The following ZNF507 variants were observed in gnomAD, a reference collection of about 807,000 sequenced individuals.
ZNF507 encodes the protein zinc finger protein 507.
In ZNF507, 29 loss-of-function variants were observed where a neutral mutation model predicts 80.0. The ratio of observed to expected loss-of-function variants is 0.36; its 90% CI spans 0.27 to 0.49. The LOEUF (loss-of-function observed/expected upper bound fraction) is 0.49, where lower values mean the gene tolerates loss of function less well. Among genes scored for constraint, ZNF507 ranks in the 20% least tolerant of loss-of-function variants. The pLI, the probability that ZNF507 is intolerant of heterozygous loss-of-function variation, is 0.98. For synonymous variants in ZNF507, 462 were observed against 422.5 expected (o/e 1.09, Z -1.15); for missense variants, 1,081 against 1,152.2 (o/e 0.94, Z 0.90).
chr19:32,358,239 T>A (rs1226452431), intron 4 of ZNF507: 1 of 152,248 alleles, frequency 6.6e-6, no homozygotes, highest in Non-Finnish European at 1.5e-5. Context: ...ATATTAGATA[T>A]TTTGAAATCT....
chr19:32,366,639 C>T (rs1967402936), intron 5 of ZNF507, among the ~76,000 whole-genome samples: 1 of 152,176 alleles, frequency 6.6e-6, no homozygotes, highest in Non-Finnish European at 1.5e-5. Context: ...TAAGGTTTTC[C>T]TCCCTGATAT....
intron 2 of ZNF507, among the ~76,000 whole-genome samples, chr19:32,348,295 A>C (rs1402391192): frequency 9.1e-6 from 1 of 110,178 alleles, no homozygotes. Flanking sequence ...CATTACTTTT[A>C]TAGCACAATT....
chr19:32,386,611 G>C lies in ZNF507; in HGVS notation c.*3528G>C, dbSNP rs900446336. 5.2e-5 allele frequency: 8 copies of C among 152,616 alleles called. No homozygotes were observed. Among genetic ancestry groups the C allele is most frequent in the Non-Finnish European group, 1.0e-4 (7 of 68,052 alleles). 9.5% of individuals were successfully genotyped at this position (152,616 alleles called of 1,614,324 possible). On this transcript the variant is annotated 3_prime_UTR_variant, in exon 7 of 7. Transcript: ENST00000355898. Reference sequence around the variant, plus strand: ...ACACTGTATCTTATTAAAATAGGATGATTTGCATTTTGTAAAATTATCCTG... The same window carrying C: ...ACACTGTATCTTATTAAAATAGGATCATTTGCATTTTGTAAAATTATCCTG...
chr19:32,360,613 G>A lies in ZNF507; in HGVS notation c.2355G>A (p.Pro785=), dbSNP rs774646076. 1.2e-5 allele frequency: 18 copies of A among 1,549,062 alleles called. No homozygotes were observed. Among genetic ancestry groups the A allele is most frequent in the East Asian group, 1.2e-4 (5 of 43,404 alleles). Residue 785 remains proline (P), a synonymous_variant, in exon 5 of 7, where the codon CCG becomes CCA. Transcript: ENST00000355898. ...GGCGAATCCATAACTCTGATAAGCC[G>A]TACAGGTAAGTGTTATGATTCTAGA... ...NHRRIHNSDK[P]YRCSLCGYVC...
At chr19:32,358,998 G>A (rs1296074623) in intron 4 of ZNF507, 2 of 152,146 alleles carry the variant, frequency 1.3e-5, no homozygotes, top group Non-Finnish European at 2.9e-5. Flanking sequence ...AAGTAGCACA[G>A]GCTCTCATTC....
At chr19:32,370,319 T>C (rs1967453580) in intron 5 of ZNF507, among the ~76,000 whole-genome samples, 1 of 152,246 alleles carries the variant, frequency 6.6e-6, no homozygotes, top group Middle Eastern at 3.2e-3. Flanking sequence ...GGAACCTCCA[T>C]ACTATTTTTC....
chr19:32,381,083 A>G (rs993246794), intron 5 of ZNF507, among the ~76,000 whole-genome samples: 1 of 152,206 alleles, frequency 6.6e-6, no homozygotes, highest in South Asian at 2.1e-4. Flanking sequence ...AGCAATAAGA[A>G]TGATCAAGCC....
intron 5 of ZNF507, among the ~76,000 whole-genome samples, chr19:32,362,254 G>A (rs1967339060): frequency 6.6e-6 from 1 of 152,220 alleles, no homozygotes; most frequent in African/African-American, 2.4e-5. Flanking sequence ...TTAGGAGAAT[G>A]TGATGGAAAC....
At chr19:32,350,200 CTTT>C (rs11354466) in intron 2 of ZNF507, among the ~76,000 whole-genome samples, 18 of 141,424 alleles carry the variant, frequency 1.3e-4, no homozygotes, top group Non-Finnish European at 2.0e-4. Flanking sequence ...TTTATCTAAC[CTTT>C]TTTTTTTTTT....
At chr19:32,356,881 T>C in intron 4 of ZNF507, 148 bp downstream of exon 4, 1 of 651,346 alleles carries the variant, frequency 1.5e-6, no homozygotes, top group Non-Finnish European at 2.8e-6. Context: ...GATCTCTGTT[T>C]CTGAGGAAAT....
At chr19:32,371,679 GC>G (rs1967475435) in intron 5 of ZNF507, among the ~76,000 whole-genome samples, 1 of 139,310 alleles carries the variant, frequency 7.2e-6, no homozygotes, top group South Asian at 2.3e-4. Context: ...TCGCTCTGTC[GC>G]CCAGGCTGGA....
Position 32,345,779 on chromosome 19 carries a change from C to A in ZNF507, c.-101C>A. 6.5e-6 allele frequency: 1 copy of A among 154,494 alleles called. No homozygotes were observed. Among genetic ancestry groups the A allele is most frequent in the South Asian group, 1.9e-4 (1 of 5,260 alleles). The allele number at this position is 154,494 out of a possible 1,614,324, so 9.6% of individuals were successfully genotyped here. A position where few individuals can be genotyped will look rare whatever the true frequency, so the allele number is the denominator to read the frequency against. On this transcript the variant is annotated 5_prime_UTR_variant, in exon 1 of 7. Coordinates refer to ENST00000355898, the MANE Select transcript of ZNF507 (RefSeq NM_001136156.2). ...GCGGAAGCAGCAGCCGCCGCCTGAC[C>A]GCAGGTACCGCGCCCCGGGGCCGCC...
At chr19:32,348,085 T>C (rs763952852) in intron 2 of ZNF507, among the ~76,000 whole-genome samples, 2 of 152,208 alleles carry the variant, frequency 1.3e-5, no homozygotes, top group African/African-American at 2.4e-5. Flanking sequence ...AAAGTTCATC[T>C]AGCTTCACCC....
chr19:32,355,046 T>G, intron 3 of ZNF507, 89 bp downstream of exon 3: 1 of 1,291,708 alleles, frequency 7.7e-7, no homozygotes, highest in Admixed American at 2.9e-5. Context: ...TCACCTCATT[T>G]TATAGATAAG....
At chr19:32,352,384 ATTGGCTT>A (rs1967181172) in intron 2 of ZNF507, among the ~76,000 whole-genome samples, 1 of 152,072 alleles carries the variant, frequency 6.6e-6, no homozygotes, top group Admixed American at 6.6e-5. Context: ...TGTATCAGTC[ATTGGCTT>A]TACAGAGTGA....
chr19:32,384,277 A>G lies in ZNF507; in HGVS notation c.*1194A>G, dbSNP rs1312970105. The G allele has an allele frequency of 6.6e-6, 1 of 152,222 alleles. No individual in the cohort carries two copies. Among genetic ancestry groups the G allele is most frequent in the African/African-American group, 2.4e-5 (1 of 41,460 alleles). The allele number at this position is 152,222 out of a possible 1,614,324, so 9.4% of individuals were successfully genotyped here. A position where few individuals can be genotyped will look rare whatever the true frequency, so the allele number is the denominator to read the frequency against. On this transcript the variant is annotated 3_prime_UTR_variant, in exon 7 of 7. Transcript: ENST00000355898. The stretch of plus-strand genomic sequence containing the variant: ...TTAGAGTGCGATAGGACATATGGAA[A>G]ACCAACACAAAGTGCTTTAGCATTA...
At chr19:32,350,112 C>T (rs1967142783) in intron 2 of ZNF507, among the ~76,000 whole-genome samples, 1 of 151,642 alleles carries the variant, frequency 6.6e-6, no homozygotes, top group African/African-American at 2.4e-5. Flanking sequence ...CATTAGTGGT[C>T]TAAGTAACAT....
intron 2 of ZNF507, among the ~76,000 whole-genome samples, chr19:32,352,097 A>G (rs555212020): frequency 4.6e-5 from 7 of 151,308 alleles, no homozygotes; most frequent in Non-Finnish European, 1.0e-4. Flanking sequence ...ATATATGTGG[A>G]TATGAGTAAT....
chr19:32,347,014 G>A (rs1967105790), intron 1 of ZNF507, among the ~76,000 whole-genome samples: 1 of 152,164 alleles, frequency 6.6e-6, no homozygotes, highest in African/African-American at 2.4e-5. Flanking sequence ...CACAATTATT[G>A]GGAGAAGTTT....
Sources: allele counts gnomAD v4.1 joint callset (sites outside exome capture counted in the v4.1 genomes callset), GRCh38; gene constraint gnomAD v4.1.1; transcripts MANE v1.5; gene names NCBI Gene and HGNC (gene_info 2026-07-23, HGNC 2026-07-21).